DERL2: variants seen among roughly 807,000 people sequenced by gnomAD.
DERL2 encodes derlin 2.
Under a neutral mutation model 32.0 loss-of-function variants are expected in DERL2, and 13 were observed. The ratio of observed to expected loss-of-function variants is 0.41; its 90% CI spans 0.26 to 0.65. The LOEUF is 0.65. Among genes scored for constraint, DERL2 ranks in the 30% least tolerant of loss-of-function variants. The pLI is 0.35. For synonymous variants in DERL2, 111 were observed against 104.7 expected (o/e 1.06, Z -0.37); for missense variants, 208 against 296.3 (o/e 0.70, Z 2.19).
intron 5 of DERL2, 99 bp downstream of exon 5, chr17:5,480,288 A>G (rs1390443344): frequency 3.9e-6 from 5 of 1,293,282 alleles, no homozygotes; most frequent in Non-Finnish European, 5.4e-6. Context: ...GTATTTTACA[A>G]TAGGTAATAC....
upstream of DERL2, chr17:5,486,179 GCCCCAC>G: frequency 6.5e-7 from 1 of 1,540,436 alleles, no homozygotes; most frequent in Non-Finnish European, 8.8e-7. Flanking sequence ...ACCGTCGCCT[GCCCCAC>G]CCCCCACCCA....
chr17:5,480,024 A>G lies in DERL2; in HGVS notation c.614+30T>C, dbSNP rs765217884. On this transcript the variant is annotated intron_variant, in intron 6 of 6. Coordinates refer to ENST00000158771, the MANE Select transcript of DERL2 (RefSeq NM_016041.5). ...ATGCCCCTGTCCTGGTTTGCCTGTA[A>G]GAGTATGTAACCTGGTGTTAAATAC... 2.2e-6 allele frequency: 3 copies of G among 1,395,014 alleles called. No homozygotes were observed. In the Admixed American group the frequency reaches 5.2e-5, roughly 24 times the overall value. 86.4% of individuals were successfully genotyped at this position (1,395,014 alleles called of 1,614,324 possible).
At position 5,472,795 on chromosome 17, in the gene DERL2, C is replaced by T. The variant is rs1485658021; in HGVS notation, c.*1889G>A. Reference sequence around the variant, plus strand: ...CAATTTAAAAAAAAAAAACAAAAAACAAAATTCTAACAAACGTCACTGATA... The same window carrying T: ...CAATTTAAAAAAAAAAAACAAAAAATAAAATTCTAACAAACGTCACTGATA... On this transcript the variant is annotated 3_prime_UTR_variant, in exon 7 of 7. Transcript: ENST00000158771. The T allele has an allele frequency of 2.7e-5, 4 of 149,382 alleles. No individual in the cohort carries two copies. Among genetic ancestry groups the T allele is most frequent in the African/African-American group, 9.8e-5 (4 of 40,666 alleles). 9.3% of individuals were successfully genotyped at this position (149,382 alleles called of 1,614,324 possible).
chr17:5,478,437 G>GA (rs1346164800), intron 6 of DERL2, among the ~76,000 whole-genome samples: 2 of 152,170 alleles, frequency 1.3e-5, no homozygotes, highest in Non-Finnish European at 2.9e-5. Context: ...CATAAACAAT[G>GA]AGACATCATC....
At chr17:5,484,879 A>G (rs1906061385) in intron 2 of DERL2, among the ~76,000 whole-genome samples, 2 of 152,196 alleles carry the variant, frequency 1.3e-5, no homozygotes, top group Admixed American at 1.3e-4. Flanking sequence ...GATGCAGGGA[A>G]CTTTAAAAAT....
chr17:5,478,987 T>G (rs1232519633), intron 6 of DERL2, among the ~76,000 whole-genome samples: 4 of 152,096 alleles, frequency 2.6e-5, no homozygotes, highest in Non-Finnish European at 5.9e-5. Flanking sequence ...ATGCAGCTGA[T>G]TTTGGGATTT....
In DERL2 at chr17:5,471,523, G is replaced by GA. The variant is rs1258835914; in HGVS notation, c.*3160dup. 1 of 152,166 alleles carries GA rather than the reference G, an allele frequency of 6.6e-6. No individual in the cohort carries two copies. Among genetic ancestry groups the GA allele is most frequent in the African/African-American group, 2.4e-5 (1 of 41,446 alleles). 9.4% of individuals were successfully genotyped at this position (152,166 alleles called of 1,614,324 possible). On this transcript the variant is annotated 3_prime_UTR_variant, in exon 7 of 7. Transcript: ENST00000158771. Reference sequence around the variant, plus strand: ...GGCCTTAGAGTCAAGATTTTTTGAGGAATCAGGAACAAGGCCAGGCCTTGA... The same window carrying GA: ...GGCCTTAGAGTCAAGATTTTTTGAGGAAATCAGGAACAAGGCCAGGCCTTGA...
Position 5,480,447 on chromosome 17 carries a change from G to C in DERL2, c.463C>G (p.Pro155Ala), listed in dbSNP as rs747504924. Residue 155 changes from proline (P) to alanine (A), a missense_variant, in exon 5 of 7, where the codon CCC becomes GCC. Physicochemically the swap from Pro to Ala is conservative, Grantham distance 27. This residue lies in a region of DERL2 where 124 missense variants were observed against 215.3 expected (regional missense o/e 0.58). Coordinates refer to ENST00000158771, the MANE Select transcript of DERL2 (RefSeq NM_016041.5). ...GLLNFQAPFLPWVLMGFSLLL... is the reference protein window; with the variant it reads ...GLLNFQAPFLAWVLMGFSLLL... ...AAGGAAAATCCCATGAGCACCCAGG[G>C]CAGAAAGGGGGCCTGGAAGTTGAGA... The C allele has an allele frequency of 1.2e-6, 2 of 1,613,780 alleles. No individual in the cohort carries two copies. Among genetic ancestry groups the C allele is most frequent in the Non-Finnish European group, 1.7e-6 (2 of 1,179,920 alleles).
chr17:5,481,357 G>C lies in DERL2; in HGVS notation c.266C>G (p.Ser89Cys). The change falls in exon 4 of 7, where the codon TCT (serine) becomes TGT (cysteine). Residue 89 changes from serine to cysteine, a missense_variant. Around this residue, in one of 3 missense-constraint regions of DERL2, gnomAD observed 124 missense variants for 215.3 expected, o/e 0.58. Transcript: ENST00000158771. This position sits in a 1 kb window ranked among gnomAD's most constrained non-coding sequence, Gnocchi z 4.4. ...AAAGTCTGCTGTCCGACCTCGGAAA[G>C]AGCCTTCTTCTAGCATTCGACAGTA... ...YRYCRMLEEG[S>C]FRGRTADFVF... is the part of the protein sequence containing the mutation. 6.2e-7 allele frequency: 1 copy of C among 1,614,144 alleles called. No homozygotes were observed.
chr17:5,478,180 A>T lies in DERL2; in HGVS notation c.614+1874T>A, dbSNP rs928381316. Among the ~76,000 whole-genome samples, 8 of 152,288 alleles carry T rather than the reference A, an allele frequency of 5.3e-5. No individual in the cohort carries two copies. The South Asian group carries it at 1.5e-3, about 28-fold the overall frequency. On this transcript the variant is annotated intron_variant, in intron 6 of 6. Coordinates refer to ENST00000158771, the MANE Select transcript of DERL2 (RefSeq NM_016041.5). ...GGAGTTCGAGACTAGCCTGGGCAAC[A>T]TAGAGAGACCTTGTCTCCACAAAAA... is the stretch of plus-strand genomic sequence containing the variant.
In DERL2 at chr17:5,481,332, A is replaced by G; in HGVS notation, c.291T>C (p.Phe97=). ...EGSFRGRTAD[F]VFMFLFGGFL... Reference sequence around the variant, plus strand: ...ATCCACCAAAAAGGAACATAAATACAAAGTCTGCTGTCCGACCTCGGAAAG... The same window carrying G: ...ATCCACCAAAAAGGAACATAAATACGAAGTCTGCTGTCCGACCTCGGAAAG... The change falls in exon 4 of 7, where the codon TTT becomes TTC. Residue 97 remains phenylalanine (F), a synonymous_variant. Transcript: ENST00000158771. The surrounding 1 kb of genome is among the most constrained non-coding windows in gnomAD (Gnocchi z 4.4). 6.2e-7 allele frequency: 1 copy of G among 1,614,138 alleles called. No homozygotes were observed. The highest frequency in any genetic ancestry group is 8.5e-7 in the Non-Finnish European group (1 of 1,179,972).
chr17:5,477,929 T>A (rs1011746673), intron 6 of DERL2: 4 of 152,296 alleles, frequency 2.6e-5, no homozygotes, highest in Non-Finnish European at 5.9e-5. Flanking sequence ...AGCACCCAGA[T>A]CTTGGCTTCT....
intron 6 of DERL2, among the ~76,000 whole-genome samples, chr17:5,479,496 T>TAAAAAAAAAAAAA (rs11306765): frequency 3.6e-4 from 25 of 69,424 alleles, no homozygotes; most frequent in Non-Finnish European, 6.8e-4. Flanking sequence ...AGACTCCATG[T>TAAAAAAAAAAAAA]AAAAAAAAAA....
At chr17:5,486,464 A>C, upstream of DERL2, 1 of 272,722 alleles carries the variant, frequency 3.7e-6, no homozygotes. Context: ...GCCACAGCTA[A>C]CTTTCCCGCC....
intron 2 of DERL2, among the ~76,000 whole-genome samples, chr17:5,484,843 A>C (rs1245239384): frequency 6.6e-6 from 1 of 152,224 alleles, no homozygotes. Context: ...GTGATTTCCA[A>C]ATACAGGAAC....
At chr17:5,477,692 T>A (rs147263299) in intron 6 of DERL2, among the ~76,000 whole-genome samples, 4 of 152,346 alleles carry the variant, frequency 2.6e-5, no homozygotes, top group African/African-American at 9.6e-5. Flanking sequence ...ATAAGTTTGT[T>A]AATTTTCATA....
chr17:5,485,770 C>T (rs1906192041), intron 1 of DERL2: 1 of 343,406 alleles, frequency 2.9e-6, no homozygotes, highest in Non-Finnish European at 5.3e-6. Flanking sequence ...TACCACCTGG[C>T]CATTGGCAGA....
Position 5,480,567 on chromosome 17 carries a change from C to T in DERL2, c.343G>A (p.Val115Met). The change falls in exon 5 of 7, where the codon GTG (valine) becomes ATG (methionine). Residue 115 changes from valine (V) to methionine (M), a missense_variant. By Grantham distance (21) the Val-to-Met change is conservative. Transcript: ENST00000158771. The part of the protein sequence containing the change: ...GFLMTLFGLF[V>M]SLVFLGQAFT... The stretch of plus-strand genomic sequence containing the variant: ...GCCTGGCCCAAGAAAACTAAGCTCA[C>T]AAACAGACCAAAAAGCTAGCAGATG... 1 of 1,517,078 alleles carries T rather than the reference C, an allele frequency of 6.6e-7. No individual in the cohort carries two copies. Among genetic ancestry groups the T allele is most frequent in the Non-Finnish European group, 8.8e-7 (1 of 1,139,482 alleles). The allele number at this position is 1,517,078 out of a possible 1,614,324, so 94.0% of individuals were successfully genotyped here. A position where few individuals can be genotyped will look rare whatever the true frequency, so the allele number is the denominator to read the frequency against.
intron 1 of DERL2, 73 bp downstream of exon 1, chr17:5,485,996 C>T: frequency 6.9e-7 from 1 of 1,454,210 alleles, no homozygotes; most frequent in South Asian, 1.2e-5. Flanking sequence ...TCCCCGAGGC[C>T]CAAACCCCAG....
Sources: allele counts gnomAD v4.1 joint callset (sites outside exome capture counted in the v4.1 genomes callset), GRCh38; gene constraint gnomAD v4.1.1; regional missense constraint gnomAD v4.1.1; non-coding constraint Gnocchi (gnomAD v3.1); transcripts MANE v1.5; gene names NCBI Gene and HGNC (gene_info 2026-07-23, HGNC 2026-07-21).